PRRC1: variants seen among roughly 807,000 people sequenced by gnomAD.
PRRC1 encodes the protein protein PRRC1.
In PRRC1, 39 loss-of-function variants were observed where a neutral mutation model predicts 40.7. The observed-to-expected ratio is 0.96, with a 90% confidence interval of 0.74 to 1.25. The LOEUF is 1.25. PRRC1 is among the 50% of genes most tolerant of loss of function. PRRC1 has a pLI of 0.00. For synonymous variants in PRRC1, 175 were observed against 193.3 expected, an observed-to-expected ratio of 0.91 and a Z score of 0.79; for missense variants, 573 against 548.3, an observed-to-expected ratio of 1.05 and a Z score of -0.45.
chr5:127,534,909 C>T (rs1418142162), intron 6 of PRRC1, among the ~76,000 whole-genome samples: 7 of 152,184 alleles, frequency 4.6e-5, no homozygotes, highest in African/African-American at 9.7e-5. Context: ...TCTAGCCTTC[C>T]GTTTTCTCAG....
At chr5:127,525,424 TCA>T (rs1429594022) in intron 3 of PRRC1, among the ~76,000 whole-genome samples, 1 of 152,240 alleles carries the variant, frequency 6.6e-6, no homozygotes, top group African/African-American at 2.4e-5. Context: ...ATTCAATTAA[TCA>T]GTTAATGTTG....
chr5:127,518,978 C>T (rs1318061425), intron 1 of PRRC1, among the ~76,000 whole-genome samples: 1 of 152,074 alleles, frequency 6.6e-6, no homozygotes, highest in Non-Finnish European at 1.5e-5. Flanking sequence ...GTAAAATTTA[C>T]CTCAGTATTG....
chr5:127,528,317 T>G (rs2127095492), intron 4 of PRRC1, among the ~76,000 whole-genome samples: 1 of 152,286 alleles, frequency 6.6e-6, no homozygotes, highest in East Asian at 1.9e-4. Context: ...TCTTCTCTTT[T>G]CTTTTCTCTT....
chr5:127,524,224 AGGTT>A (rs1420462716), intron 2 of PRRC1: 2 of 242,932 alleles, frequency 8.2e-6, no homozygotes, highest in Non-Finnish European at 1.6e-5. Context: ...TTCAGGGCAT[AGGTT>A]TTTATGCTCA....
chr5:127,520,543 G>T (rs912551036), intron 1 of PRRC1, among the ~76,000 whole-genome samples: 2 of 152,100 alleles, frequency 1.3e-5, no homozygotes, highest in Non-Finnish European at 2.9e-5. Flanking sequence ...TATGTTGAAT[G>T]AAAAAAAGCC....
At position 127,546,930 on chromosome 5, in the gene PRRC1, A is replaced by G. The variant is rs77565813; in HGVS notation, c.1026-889A>G. On this transcript the variant is annotated intron_variant, in intron 7 of 8. Transcript: ENST00000296666. Reference sequence around the variant, plus strand: ...TTTAAAGTTTTAGGATATGAACACTATAGACATTATAAAGTGCCATTTTAG... The same window carrying G: ...TTTAAAGTTTTAGGATATGAACACTGTAGACATTATAAAGTGCCATTTTAG... Among the ~76,000 whole-genome samples, 1,283 of 152,264 alleles carry G rather than the reference A, an allele frequency of 8.4e-3. 15 individuals carry two copies. The highest frequency in any genetic ancestry group is 0.029 in the African/African-American group (1,215 of 41,554).
Position 127,523,578 on chromosome 5 carries a change from A to G in PRRC1, c.99A>G (p.Pro33=). 13 of 1,595,230 alleles carry G rather than the reference A, an allele frequency of 8.1e-6. No homozygotes were observed. The highest frequency in any genetic ancestry group is 2.3e-5 in the South Asian group (2 of 88,556). ...CTGCTATGTCTTCTACCCCTGTTCC[A>G]TTAGGTACATGTAGTTGTCTAACAT... ...AATAMSSTPV[P]LAATSSFSSP... is the part of the protein sequence containing the mutation. Residue 33 remains proline, a synonymous_variant, in exon 2 of 9, where the codon CCA becomes CCG. Transcript: ENST00000296666.
In PRRC1 at chr5:127,530,358, T is replaced by A. The variant is rs933940605; in HGVS notation, c.719T>A (p.Met240Lys). ...LDKTKHSVES[M>K]ITTLDPGMAP... Reference sequence around the variant, plus strand: ...AAGACAAAACATTCAGTAGAAAGCATGATTACAACGCTGGACCCTGGCATG... The same window carrying A: ...AAGACAAAACATTCAGTAGAAAGCAAGATTACAACGCTGGACCCTGGCATG... The change falls in exon 5 of 9, where the codon ATG becomes AAG. Residue 240 changes from methionine to lysine, a missense_variant. Transcript: ENST00000296666. The A allele has an allele frequency of 2.7e-5, 44 of 1,613,854 alleles. No homozygotes were observed. Among genetic ancestry groups the A allele is most frequent in the Non-Finnish European group, 3.7e-5 (44 of 1,179,932 alleles).
At chr5:127,540,678 G>A (rs1204286373) in intron 7 of PRRC1, among the ~76,000 whole-genome samples, 2 of 152,040 alleles carry the variant, frequency 1.3e-5, no homozygotes, top group Admixed American at 1.3e-4. Context: ...CTTTAAAAAT[G>A]TCATGGTACT....
chr5:127,535,590 AAACT>A (rs2127102988), intron 6 of PRRC1, among the ~76,000 whole-genome samples: 1 of 152,298 alleles, frequency 6.6e-6, no homozygotes, highest in African/African-American at 2.4e-5. Flanking sequence ...GGAATCCACA[AAACT>A]AATAGGATCG....
chr5:127,539,203 A>G lies in PRRC1; in HGVS notation c.1025+60A>G, dbSNP rs1767974094. 4 of 1,248,174 alleles carry G rather than the reference A, an allele frequency of 3.2e-6. No individual in the cohort carries two copies. The South Asian group carries it at 3.7e-5, about 11-fold the overall frequency. 77.3% of individuals were successfully genotyped at this position (1,248,174 alleles called of 1,614,324 possible). A position where few individuals can be genotyped will look rare whatever the true frequency, so the allele number is the denominator to read the frequency against. ...TAATTGGGTCTGGGAGTTGACACTG[A>G]ATACTTAGCAAAAAGTGTCTCCTGT... On this transcript the variant is annotated intron_variant, in intron 7 of 8. Coordinates refer to ENST00000296666, the MANE Select transcript of PRRC1 (RefSeq NM_130809.5).
At chr5:127,549,214 C>A (rs1253031737) in intron 8 of PRRC1, 1 of 151,466 alleles carries the variant, frequency 6.6e-6, no homozygotes, top group African/African-American at 2.4e-5. Flanking sequence ...ACAAAATGTT[C>A]AGAGATGATT....
chr5:127,543,279 G>C (rs1364456354), intron 7 of PRRC1, among the ~76,000 whole-genome samples: 1 of 152,066 alleles, frequency 6.6e-6, no homozygotes, highest in African/African-American at 2.4e-5. Flanking sequence ...TGGGTAACCC[G>C]ACCTTTCTCT....
chr5:127,539,207 C>A, intron 7 of PRRC1, 64 bp downstream of exon 7: 2 of 1,235,984 alleles, frequency 1.6e-6, no homozygotes, highest in African/African-American at 1.5e-5. Context: ...ACACTGAATA[C>A]TTAGCAAAAA....
chr5:127,530,804 T>C (rs1767749623), intron 5 of PRRC1, among the ~76,000 whole-genome samples: 1 of 151,980 alleles, frequency 6.6e-6, no homozygotes, highest in South Asian at 2.1e-4. Flanking sequence ...TTGTGTGTAA[T>C]TGAGGGATAA....
At chr5:127,530,859 G>A (rs1284347848) in intron 5 of PRRC1, among the ~76,000 whole-genome samples, 1 of 151,474 alleles carries the variant, frequency 6.6e-6, no homozygotes, top group Non-Finnish European at 1.5e-5. Context: ...CTAATGACTG[G>A]GTATATTGGG....
At chr5:127,529,640 C>A (rs233032) in intron 4 of PRRC1, among the ~76,000 whole-genome samples, 2 of 151,928 alleles carry the variant, frequency 1.3e-5, no homozygotes, top group East Asian at 3.9e-4. Context: ...GTCTTTTACC[C>A]TTTGTGAAGT....
intron 7 of PRRC1, among the ~76,000 whole-genome samples, chr5:127,542,005 G>A (rs1180102526): frequency 6.6e-6 from 1 of 151,688 alleles, no homozygotes; most frequent in Non-Finnish European, 1.5e-5. Flanking sequence ...TTTCTCTTGT[G>A]GGCATTTAGT....
Position 127,553,605 on chromosome 5 carries a change from T to C in PRRC1, c.*1689T>C, listed in dbSNP as rs955332368. ...ATGGCATGATGACAACAACAGTCTT[T>C]CATTACAGACTGAAGGGAAGCATGT... On this transcript the variant is annotated 3_prime_UTR_variant, in exon 9 of 9. Transcript: ENST00000296666. 16 of 1,353,334 alleles carry C rather than the reference T, an allele frequency of 1.2e-5. No individual in the cohort carries two copies. Among genetic ancestry groups the C allele is most frequent in the Non-Finnish European group, 1.5e-5 (16 of 1,051,770 alleles). The allele number at this position is 1,353,334 out of a possible 1,614,324, so 83.8% of individuals were successfully genotyped here. A position where few individuals can be genotyped will look rare whatever the true frequency, so the allele number is the denominator to read the frequency against.
Sources: gnomAD v4.1 joint callset for allele counts (sites outside exome capture counted in the v4.1 genomes callset) on GRCh38, gnomAD v4.1.1 for gene constraint, MANE v1.5 for transcripts, NCBI Gene and HGNC (gene_info 2026-07-23, HGNC 2026-07-21) for gene names.